EGF: variants seen among roughly 807,000 people sequenced by gnomAD.
The protein encoded by EGF is epidermal growth factor, also known as pro-epidermal growth factor.
EGF carries 95 observed loss-of-function variants against 143.8 expected under a neutral mutation model. That is an observed-to-expected ratio of 0.66 (90% confidence interval 0.56 to 0.78). The LOEUF (loss-of-function observed/expected upper bound fraction) is 0.78. Among genes scored for constraint, EGF ranks in the 30% least tolerant of loss-of-function variants. The probability of loss-of-function intolerance (pLI) is 0.00; values close to 1 mark genes in which losing one functional copy is unlikely to be tolerated. For missense variants in EGF, 1,320 were observed against 1,470.9 expected, an observed-to-expected ratio of 0.90 and a Z score of 1.68; for synonymous variants, 510 against 510.5, an observed-to-expected ratio of 1.00 and a Z score of 0.01.
chr4:109,934,450 T>G (rs1288489864), intron 1 of EGF, among the ~76,000 whole-genome samples: 1 of 152,184 alleles, frequency 6.6e-6, no homozygotes, highest in Non-Finnish European at 1.5e-5. Flanking sequence ...CTTTGTATAT[T>G]CTAGATATTA....
At chr4:109,982,080 A>G (rs933524414) in intron 15 of EGF, among the ~76,000 whole-genome samples, 1 of 151,584 alleles carries the variant, frequency 6.6e-6, no homozygotes, top group Non-Finnish European at 1.5e-5. Flanking sequence ...GACCACAGGC[A>G]TGCACCACCA....
At chr4:109,914,683 T>C (rs922689552) in intron 1 of EGF, among the ~76,000 whole-genome samples, 2 of 152,166 alleles carry the variant, frequency 1.3e-5, no homozygotes, top group African/African-American at 4.8e-5. Context: ...TTCTTGTGTA[T>C]GAATGAGGCG....
At chr4:109,918,822 A>G (rs1021810277) in intron 1 of EGF, among the ~76,000 whole-genome samples, 1 of 152,182 alleles carries the variant, frequency 6.6e-6, no homozygotes, top group African/African-American at 2.4e-5. Context: ...ACAAAGTAAA[A>G]CATTTTTCAT....
chr4:109,917,473 G>T (rs944659615), intron 1 of EGF, among the ~76,000 whole-genome samples: 6 of 151,428 alleles, frequency 4.0e-5, no homozygotes, highest in African/African-American at 1.5e-4. Context: ...TTGGTTGGAG[G>T]TTTTTTAGCT....
At chr4:110,000,158 T>C (rs1257879829) in intron 21 of EGF, among the ~76,000 whole-genome samples, 1 of 148,054 alleles carries the variant, frequency 6.8e-6, no homozygotes, top group Non-Finnish European at 1.5e-5. Context: ...GGCTGAGGCA[T>C]GAGAATTACT....
At chr4:109,976,914 C>T (rs533459913) in intron 13 of EGF, among the ~76,000 whole-genome samples, 13 of 152,224 alleles carry the variant, frequency 8.5e-5, no homozygotes, top group Admixed American at 1.3e-4. Flanking sequence ...AGTAGAGGGG[C>T]ATTGAATGTT....
intron 1 of EGF, among the ~76,000 whole-genome samples, chr4:109,928,919 T>A (rs1353933118): frequency 2.6e-5 from 4 of 152,216 alleles, no homozygotes; most frequent in African/African-American, 4.8e-5. Flanking sequence ...TGCCCTTGGC[T>A]GAGAGGAGGG....
intron 5 of EGF, among the ~76,000 whole-genome samples, chr4:109,955,189 G>T (rs1056628562): frequency 6.6e-6 from 1 of 152,184 alleles, no homozygotes; most frequent in African/African-American, 2.4e-5. Flanking sequence ...CAGATTCACT[G>T]GGCTATAGTA....
At chr4:109,949,191 C>T (rs922301234) in intron 5 of EGF, among the ~76,000 whole-genome samples, 9 of 152,074 alleles carry the variant, frequency 5.9e-5, no homozygotes, top group African/African-American at 2.2e-4. Context: ...GCCTCAGCCT[C>T]CTGAGTCACT....
At chr4:109,981,359 A>G (rs926362455) in intron 15 of EGF, among the ~76,000 whole-genome samples, 1 of 152,240 alleles carries the variant, frequency 6.6e-6, no homozygotes. Flanking sequence ...ATCACATGAC[A>G]GGTCTTAATA....
At chr4:109,932,360 C>CATATATATATATATAT (rs57424246) in intron 1 of EGF, among the ~76,000 whole-genome samples, 15 of 87,038 alleles carry the variant, frequency 1.7e-4, no homozygotes, top group Non-Finnish European at 2.8e-4. Context: ...CCCATTTAGT[C>CATATATATATATATAT]ATATATATAT....
At chr4:109,972,971 C>T (rs1462182418) in intron 11 of EGF, among the ~76,000 whole-genome samples, 2 of 152,162 alleles carry the variant, frequency 1.3e-5, no homozygotes. Context: ...CCCTCAAGAG[C>T]AAGGTGAGAG....
Position 109,980,951 on chromosome 4 carries a change from C to G in EGF, c.2347C>G (p.Leu783Val), listed in dbSNP as rs754198882. Residue 783 changes from leucine (L) to valine (V), a missense_variant, in exon 15 of 24, where the codon CTG becomes GTG. By Grantham distance (32) the Leu-to-Val change is conservative (BLOSUM62 1). This residue lies in a region of EGF where 1,186 missense variants were observed against 1,313.7 expected (regional missense o/e 0.90). Coordinates refer to ENST00000265171, the MANE Select transcript of EGF (RefSeq NM_001963.6). The stretch of plus-strand genomic sequence containing the variant: ...CTCAGATGGGAAAACGTGTCTGGCT[C>G]TGGATGGTCATCAGCTGTTGGCAGG... ...KASDGKTCLA[L>V]DGHQLLAGGE... 9.9e-6 allele frequency: 16 copies of G among 1,613,962 alleles called. No homozygotes were observed. The highest frequency in any genetic ancestry group is 1.1e-5 in the Non-Finnish European group (13 of 1,179,974).
chr4:110,004,176 G>T, intron 21 of EGF: 1 of 381,788 alleles, frequency 2.6e-6, no homozygotes, highest in Non-Finnish European at 5.0e-6. Flanking sequence ...GTGAATGAAT[G>T]AATGCAAGGC....
At chr4:109,953,348 G>C (rs1046415712) in intron 5 of EGF, among the ~76,000 whole-genome samples, 3 of 152,066 alleles carry the variant, frequency 2.0e-5, no homozygotes, top group Non-Finnish European at 4.4e-5. Flanking sequence ...TTTTTTATTA[G>C]AGGCTCAAAG....
intron 22 of EGF, among the ~76,000 whole-genome samples, chr4:110,005,363 A>T (rs548966763): frequency 1.3e-5 from 2 of 151,804 alleles, no homozygotes; most frequent in South Asian, 4.2e-4. Flanking sequence ...TTTTCTTAAT[A>T]TTTCTTAATA....
At chr4:110,004,410 A>T in intron 21 of EGF, 95 bp from the exon 22 acceptor site, 1 of 1,012,090 alleles carries the variant, frequency 9.9e-7, no homozygotes, top group Non-Finnish European at 1.6e-6. Context: ...CTTAAATTTT[A>T]GTAGCAAAAG....
Position 109,995,157 on chromosome 4 carries a change from A to G in EGF, c.3005+277A>G, listed in dbSNP as rs1751590272. 2.0e-5 allele frequency among the ~76,000 whole-genome samples: 3 copies of G among 152,174 alleles called. No homozygotes were observed. The South Asian group carries it at 6.2e-4, about 32-fold the overall frequency. ...TTTGATGTTACTACTAGTATAGTCT[A>G]GGGATTAAATGTCTCATCCTGGTTG... On this transcript the variant is annotated intron_variant, in intron 20 of 23. Coordinates refer to ENST00000265171, the MANE Select transcript of EGF (RefSeq NM_001963.6).
intron 18 of EGF, among the ~76,000 whole-genome samples, chr4:109,991,431 T>C (rs1456945087): frequency 6.6e-6 from 1 of 151,876 alleles, no homozygotes; most frequent in African/African-American, 2.4e-5. Context: ...AGTAAAGTGG[T>C]GCAATGATGG....
Sources: allele counts gnomAD v4.1 joint callset (sites outside exome capture counted in the v4.1 genomes callset), GRCh38; gene constraint gnomAD v4.1.1; regional missense constraint gnomAD v4.1.1; transcripts MANE v1.5; gene names NCBI Gene and HGNC (gene_info 2026-07-23, HGNC 2026-07-21).